CELSR2: variants seen among roughly 807,000 people sequenced by gnomAD.
CELSR2 encodes cadherin EGF LAG seven-pass G-type receptor 2.
In CELSR2, 81 loss-of-function variants were observed where a neutral mutation model predicts 251.6. The observed-to-expected ratio is 0.32, with a 90% CI of 0.27 to 0.39. CELSR2 has a LOEUF of 0.39. Ranked by LOEUF, CELSR2 falls within the 10% of genes least tolerant of loss-of-function variation. The probability of loss-of-function intolerance (pLI) is 1.00; values close to 1 mark genes in which losing one functional copy is unlikely to be tolerated. For synonymous variants in CELSR2, 1,721 were observed against 1,670.5 expected, an observed-to-expected ratio of 1.03 and a Z score of -0.74; for missense variants, 3,365 against 3,947.7, an observed-to-expected ratio of 0.85 and a Z score of 3.96.
In CELSR2 at chr1:109,251,561, G is replaced by C. The variant is rs763221752; in HGVS notation, c.1482G>C (p.Gln494His). The C allele has an allele frequency of 6.2e-7, 1 of 1,613,756 alleles. No individual in the cohort carries two copies. The highest frequency in any genetic ancestry group is 1.1e-5 in the South Asian group (1 of 91,088). Reference sequence around the variant, plus strand: ...ATGTCTCTGGCTTGGTGACAGTACAGGTCCTGGATATCAACGACAATGCCC... The same window carrying C: ...ATGTCTCTGGCTTGGTGACAGTACACGTCCTGGATATCAACGACAATGCCC... Reference protein sequence around the residue: ...LSNVSGLVTVQVLDINDNAPI... With the variant: ...LSNVSGLVTVHVLDINDNAPI... The change falls in exon 1 of 34, where the codon CAG becomes CAC. Residue 494 changes from glutamine to histidine, a missense_variant. This residue lies in a region of CELSR2 where 704 missense variants were observed against 784.1 expected (regional missense o/e 0.90). Coordinates refer to ENST00000271332, the MANE Select transcript of CELSR2 (RefSeq NM_001408.3). This position sits in a 1 kb window ranked among gnomAD's most constrained non-coding sequence, Gnocchi z 4.9.
chr1:109,253,607 G>A (rs531693171), intron 1 of CELSR2, among the ~76,000 whole-genome samples: 14 of 152,376 alleles, frequency 9.2e-5, no homozygotes, highest in African/African-American at 2.9e-4. Flanking sequence ...GGGCTGGGCT[G>A]CTTCGGTTGG....
chr1:109,263,907 G>C lies in CELSR2; in HGVS notation c.5001+130G>C, dbSNP rs543334055. The stretch of plus-strand genomic sequence containing the variant: ...CATATAGAGGCCGCTGGATCCGTTG[G>C]GAAGGTCAATGCTGCCACCTGTTGG... On this transcript the variant is annotated intron_variant, in intron 9 of 33. Coordinates refer to ENST00000271332, the MANE Select transcript of CELSR2 (RefSeq NM_001408.3). 7.8e-6 allele frequency: 11 copies of C among 1,401,412 alleles called. No individual in the cohort carries two copies. The African/African-American group carries it at 1.6e-4, about 20-fold the overall frequency. 86.8% of individuals were successfully genotyped at this position (1,401,412 alleles called of 1,614,324 possible).
Position 109,251,164 on chromosome 1 carries a change from C to A in CELSR2, c.1085C>A (p.Ser362Tyr). The part of the protein sequence containing the change: ...RGPVDREEVE[S>Y]YQLTVEASDQ... ...CCTGTGGATCGGGAAGAGGTGGAAT[C>A]CTACCAGCTGACGGTAGAGGCAAGT... is the stretch of plus-strand genomic sequence containing the variant. The change falls in exon 1 of 34, where the codon TCC becomes TAC. Residue 362 changes from serine (S) to tyrosine (Y), a missense_variant. Ser to Tyr is a moderately radical substitution (Grantham distance 144). Coordinates refer to ENST00000271332, the MANE Select transcript of CELSR2 (RefSeq NM_001408.3). This position sits in a 1 kb window ranked among gnomAD's most constrained non-coding sequence, Gnocchi z 4.9. 6.2e-7 allele frequency: 1 copy of A among 1,613,456 alleles called. No individual in the cohort carries two copies. Among genetic ancestry groups the A allele is most frequent in the Non-Finnish European group, 8.5e-7 (1 of 1,180,000 alleles).
Position 109,261,797 on chromosome 1 carries a change from C to A in CELSR2, c.4298-11C>A. On this transcript the variant is annotated splice_polypyrimidine_tract_variant and intron_variant, in intron 4 of 33. Transcript: ENST00000271332. This position sits in a 1 kb window ranked among gnomAD's most constrained non-coding sequence, Gnocchi z 4.8. ...CGTCAGGCATTCCAGCTCACCTGGTCCTTTCCCCAGGGGAGTCAACCACCA... is the reference window on the plus strand; with the variant it reads ...CGTCAGGCATTCCAGCTCACCTGGTACTTTCCCCAGGGGAGTCAACCACCA... 6.3e-7 allele frequency: 1 copy of A among 1,584,866 alleles called. No individual in the cohort carries two copies. The highest frequency in any genetic ancestry group is 1.1e-5 in the South Asian group (1 of 87,836).
intron 23 of CELSR2, 142 bp downstream of exon 23, chr1:109,270,275 G>A (rs1656332002): frequency 1.6e-6 from 2 of 1,258,600 alleles, no homozygotes; most frequent in African/African-American, 1.5e-5. Flanking sequence ...CTCTTCTGTG[G>A]CTCCCCCGGG....
In CELSR2 at chr1:109,253,265, C is replaced by T. The variant is rs753860761; in HGVS notation, c.3186C>T (p.Tyr1062=). 2.3e-5 allele frequency: 37 copies of T among 1,613,498 alleles called. No homozygotes were observed. In the South Asian group the frequency reaches 3.3e-4, roughly 14 times the overall value. The stretch of plus-strand genomic sequence containing the variant: ...CTGATATCTCAGATAGTCTGACTTA[C>T]AGCTTTGAGCGGGGAAATGAACTCA... The part of the protein sequence containing the change: ...HDPDISDSLT[Y]SFERGNELSL... Residue 1062 remains tyrosine (Y), a synonymous_variant, in exon 1 of 34, where the codon TAC becomes TAT. Transcript: ENST00000271332.
In CELSR2 at chr1:109,253,337, C is replaced by T. The variant is rs148218426; in HGVS notation, c.3258C>T (p.Arg1086=). 6.3e-5 allele frequency: 102 copies of T among 1,613,384 alleles called. No homozygotes were observed. The African/African-American group carries it at 7.9e-4, about 12-fold the overall frequency. Reference sequence around the variant, plus strand: ...CCACGGGTGAGCTGAAGCTAAGCCGCGCACTGGACAACAACCGGCCTCTGG... The same window carrying T: ...CCACGGGTGAGCTGAAGCTAAGCCGTGCACTGGACAACAACCGGCCTCTGG... ...NASTGELKLS[R]ALDNNRPLEA... Residue 1086 remains arginine, a synonymous_variant, in exon 1 of 34, where the codon CGC becomes CGT. Coordinates refer to ENST00000271332, the MANE Select transcript of CELSR2 (RefSeq NM_001408.3).
At chr1:109,270,828 C>T in intron 24 of CELSR2, 99 bp from the exon 25 acceptor site, 1 of 1,010,718 alleles carries the variant, frequency 9.9e-7, no homozygotes, top group Non-Finnish European at 1.5e-6. Context: ...AACCCTTTTC[C>T]ATGCTTCATG....
chr1:109,272,478 G>C, intron 29 of CELSR2, 73 bp downstream of exon 29: 1 of 1,557,288 alleles, frequency 6.4e-7, no homozygotes, highest in Non-Finnish European at 8.7e-7. Context: ...CCAGCCAGCT[G>C]TTGGGAGTTG....
At chr1:109,271,572 C>T in intron 27 of CELSR2, 28 bp from the exon 28 acceptor site, 1 of 1,614,124 alleles carries the variant, frequency 6.2e-7, no homozygotes, top group South Asian at 1.1e-5. Context: ...TGAATATGCA[C>T]AGACCGTTGC....
rs1484912050 is a variant in CELSR2, at chr1:109,274,168, G to A, written c.*119G>A. The stretch of plus-strand genomic sequence containing the variant: ...CCCATCGCCTGCCCGCAGCAGCGAC[G>A]AAACGTCCATCTGAGGAGCCTGGGC... On this transcript the variant is annotated 3_prime_UTR_variant, in exon 34 of 34. Coordinates refer to ENST00000271332, the MANE Select transcript of CELSR2 (RefSeq NM_001408.3). 1.7e-5 allele frequency: 27 copies of A among 1,597,518 alleles called. No individual in the cohort carries two copies. The highest frequency in any genetic ancestry group is 1.2e-4 in the South Asian group (11 of 90,650).
At position 109,270,029 on chromosome 1, in the gene CELSR2, C is replaced by G. The variant is rs369686223; in HGVS notation, c.7204C>G (p.Arg2402Gly). ...LLTFFFLTLL[R>G]ILRSNQHGIR... Reference sequence around the variant, plus strand: ...CACCTTCTTCTTCCTCACTCTCTTGCGTATCCTGCGCTCCAACCAACACGG... The same window carrying G: ...CACCTTCTTCTTCCTCACTCTCTTGGGTATCCTGCGCTCCAACCAACACGG... Residue 2402 changes from arginine (R) to glycine (G), a missense_variant, in exon 23 of 34, where the codon CGT becomes GGT. Physicochemically the swap from Arg to Gly is moderately radical, Grantham distance 125. Around this residue, in one of 5 missense-constraint regions of CELSR2, gnomAD observed 2,093 missense variants for 2,382.8 expected, o/e 0.88. Transcript: ENST00000271332. 6 of 1,614,026 alleles carry G rather than the reference C, an allele frequency of 3.7e-6. No individual in the cohort carries two copies. Among genetic ancestry groups the G allele is most frequent in the Non-Finnish European group, 5.1e-6 (6 of 1,180,040 alleles).
Position 109,259,004 on chromosome 1 carries a change from C to T in CELSR2, c.3883C>T (p.Arg1295Trp), listed in dbSNP as rs747996755. The change falls in exon 2 of 34, where the codon CGG becomes TGG. Residue 1295 changes from arginine (R) to tryptophan (W), a missense_variant. Transcript: ENST00000271332. ...GACCGAGGTGGACCTCTGCTACTCG[C>T]GGCCCTGTGGCCCCCACGGGCGCTG... ...CETEVDLCYSRPCGPHGRCRS... is the reference protein window; with the variant it reads ...CETEVDLCYSWPCGPHGRCRS... 1.9e-6 allele frequency: 3 copies of T among 1,605,554 alleles called. No homozygotes were observed. The highest frequency in any genetic ancestry group is 2.5e-6 in the Non-Finnish European group (3 of 1,178,884).
chr1:109,260,938 G>A (rs1457492245), intron 2 of CELSR2, 104 bp from the exon 3 acceptor site: 8 of 815,586 alleles, frequency 9.8e-6, no homozygotes, highest in East Asian at 7.7e-5. Context: ...GGAGTATTAC[G>A]AGGGTCACGG....
chr1:109,273,948 G>A (rs1656451692), intron 33 of CELSR2, 74 bp from the exon 34 acceptor site: 9 of 1,574,196 alleles, frequency 5.7e-6, no homozygotes, highest in African/African-American at 4.0e-5. Flanking sequence ...TCTGGTGAAA[G>A]CTTTCACTCT....
rs757463771 is a variant in CELSR2, at chr1:109,258,864, G to A, written c.3743G>A (p.Arg1248His). The A allele has an allele frequency of 1.2e-6, 2 of 1,612,426 alleles. No individual in the cohort carries two copies. ...TACATGCGCTGCGTGTCGGTGCTGC[G>A]CTTCGACTCCTCCGCGCCCTTCATC... ...ENYMRCVSVLRFDSSAPFIAS... is the reference protein window; with the variant it reads ...ENYMRCVSVLHFDSSAPFIAS... The change falls in exon 2 of 34, where the codon CGC becomes CAC. Residue 1248 changes from arginine to histidine, a missense_variant. By Grantham distance (29) the Arg-to-His change is conservative. This residue lies in a region of CELSR2 where 2,093 missense variants were observed against 2,382.8 expected (regional missense o/e 0.88). Transcript: ENST00000271332.
At chr1:109,259,105 G>T (rs775321744) in intron 2 of CELSR2, 26 bp downstream of exon 2, 2 of 1,532,988 alleles carry the variant, frequency 1.3e-6, no homozygotes, top group Admixed American at 1.9e-5. Flanking sequence ...GGACTCATGG[G>T]CCAGCCCTGG....
At chr1:109,267,673 CCT>C (rs771892620) in intron 16 of CELSR2, 31 bp downstream of exon 16, 3 of 1,611,694 alleles carry the variant, frequency 1.9e-6, no homozygotes, top group African/African-American at 1.3e-5. Flanking sequence ...CCATCTTTTC[CCT>C]GTCCTTCGTC....
intron 13 of CELSR2, among the ~76,000 whole-genome samples, 168 bp downstream of exon 13, chr1:109,265,479 G>A (rs780955922): frequency 5.9e-5 from 9 of 152,232 alleles, no homozygotes; most frequent in Non-Finnish European, 1.3e-4. Context: ...TGTCTGAGGC[G>A]CAGGGGGACC....
Sources: gnomAD v4.1 joint callset for allele counts (sites outside exome capture counted in the v4.1 genomes callset) on GRCh38, gnomAD v4.1.1 for gene constraint, gnomAD v4.1.1 regional missense constraint, Gnocchi (gnomAD v3.1) non-coding constraint, MANE v1.5 for transcripts, NCBI Gene and HGNC (gene_info 2026-07-23, HGNC 2026-07-21) for gene names.